The following CDH18 variants were observed in gnomAD, a reference collection of about 807,000 sequenced individuals.
CDH18 encodes cadherin 18, also known as cadherin-18.
CDH18 carries 31 observed loss-of-function variants against 67.9 expected under a neutral mutation model. The observed-to-expected ratio is 0.46, with a 90% CI of 0.34 to 0.62. CDH18 has a LOEUF of 0.62. Ranked by LOEUF, CDH18 falls within the 20% of genes least tolerant of loss-of-function variation. The probability of loss-of-function intolerance (pLI) is 0.01; values close to 1 mark genes in which losing one functional copy is unlikely to be tolerated. For missense variants in CDH18, 890 were observed against 975.5 expected (o/e 0.91, Z 1.17); for synonymous variants, 362 against 347.2 (o/e 1.04, Z -0.48).
chr5:20,391,480 A>C (rs1179759187), intron 1 of CDH18, among the ~76,000 whole-genome samples: 1 of 152,098 alleles, frequency 6.6e-6, no homozygotes. Context: ...AAGTACATTC[A>C]GCTAAAATAC....
chr5:20,309,255 C>T (rs528746048), intron 1 of CDH18, among the ~76,000 whole-genome samples: 35 of 152,248 alleles, frequency 2.3e-4, no homozygotes, highest in African/African-American at 8.4e-4. Flanking sequence ...TTTGCTTTGG[C>T]AAATATATTT....
At chr5:20,488,673 TTATATATATA>T (rs34690857) in intron 1 of CDH18, among the ~76,000 whole-genome samples, 1 of 126,980 alleles carries the variant, frequency 7.9e-6, no homozygotes, top group Non-Finnish European at 1.7e-5. Flanking sequence ...GGGTAGTGTT[TTATATATATA>T]TATATATATA....
At chr5:19,607,095 C>A (rs1240006717) in intron 6 of CDH18, among the ~76,000 whole-genome samples, 2 of 151,430 alleles carry the variant, frequency 1.3e-5, no homozygotes, top group African/African-American at 4.8e-5. Context: ...CAAATAAAGG[C>A]AAAATTGTAA....
At chr5:19,481,312 T>A (rs895328071) in intron 12 of CDH18, among the ~76,000 whole-genome samples, 3 of 152,154 alleles carry the variant, frequency 2.0e-5, no homozygotes, top group East Asian at 1.9e-4. Flanking sequence ...CAGCAACATA[T>A]AAGAAGTTAT....
At chr5:19,870,040 C>A (rs1231232011) in intron 2 of CDH18, among the ~76,000 whole-genome samples, 1 of 152,094 alleles carries the variant, frequency 6.6e-6, no homozygotes, top group African/African-American at 2.4e-5. Context: ...AGGACTGTAG[C>A]TTTGCCATTT....
intron 5 of CDH18, among the ~76,000 whole-genome samples, chr5:19,659,375 T>C (rs1756858823): frequency 6.6e-6 from 1 of 152,136 alleles, no homozygotes; most frequent in Non-Finnish European, 1.5e-5. Context: ...ACTATCAAAA[T>C]AGTTAAATTA....
rs573604523 is a variant in CDH18, at chr5:19,489,542, T to C, written c.1631-5990A>G. Among the ~76,000 whole-genome samples, 199 of 152,248 alleles carry C rather than the reference T, an allele frequency of 1.3e-3. 3 individuals are homozygous for C. Among genetic ancestry groups the C allele is most frequent in the East Asian group, 2.1e-3 (11 of 5,172 alleles). ...GATTACAGGTGTGAGCCACCGCGCC[T>C]GGCCAATATTTGTTCTTTTATCAGA... is the stretch of plus-strand genomic sequence containing the variant. On this transcript the variant is annotated intron_variant, in intron 11 of 12. Coordinates refer to ENST00000382275, the MANE Select transcript of CDH18 (RefSeq NM_004934.5).
chr5:20,272,474 G>A (rs1745508181), intron 1 of CDH18, among the ~76,000 whole-genome samples: 1 of 152,034 alleles, frequency 6.6e-6, no homozygotes, highest in African/African-American at 2.4e-5. Flanking sequence ...TAGAAAAAAA[G>A]CATTTTGTAT....
chr5:19,872,968 T>C (rs1029919487), intron 2 of CDH18, among the ~76,000 whole-genome samples: 1 of 152,110 alleles, frequency 6.6e-6, no homozygotes, highest in Non-Finnish European at 1.5e-5. Flanking sequence ...AAATGAAGGA[T>C]AATCTTGTCA....
chr5:20,545,061 C>A (rs1347174298), intron 1 of CDH18, among the ~76,000 whole-genome samples: 1 of 152,188 alleles, frequency 6.6e-6, no homozygotes, highest in Non-Finnish European at 1.5e-5. Context: ...AAGTATGAAA[C>A]CTGGCCAGAC....
intron 3 of CDH18, among the ~76,000 whole-genome samples, chr5:19,769,954 A>G (rs1303168597): frequency 2.0e-5 from 3 of 152,084 alleles, no homozygotes; most frequent in African/African-American, 7.2e-5. Flanking sequence ...AAAAGAAGAT[A>G]TGTAAACAAT....
rs11343866 is a variant in CDH18 at position 19,634,937 on chromosome 5, CAA to C, written c.644-22338_644-22337del. 2.3e-3 allele frequency among the ~76,000 whole-genome samples: 293 copies of C among 125,746 alleles called. 1 individual carries two copies. The highest frequency in any genetic ancestry group is 2.5e-3 in the Non-Finnish European group (147 of 59,156). The allele number at this position is 125,746 out of a possible 152,430, so 82.5% of individuals were successfully genotyped here. A position where few individuals can be genotyped will look rare whatever the true frequency, so the allele number is the denominator to read the frequency against. ...GGGCAGTAAGAGCTAAACTGCATCT[CAA>C]AAAAAAAAAAAAAGAAAGAAAAAAA... On this transcript the variant is annotated intron_variant, in intron 5 of 12. Transcript: ENST00000382275.
intron 1 of CDH18, among the ~76,000 whole-genome samples, chr5:20,408,149 C>T (rs1488503054): frequency 1.3e-5 from 2 of 151,918 alleles, no homozygotes; most frequent in African/African-American, 2.4e-5. Flanking sequence ...AATCCCATAA[C>T]CAGCAAAATT....
chr5:19,868,233 C>G (rs1243542563), intron 2 of CDH18, among the ~76,000 whole-genome samples: 1 of 152,038 alleles, frequency 6.6e-6, no homozygotes, highest in Non-Finnish European at 1.5e-5. Flanking sequence ...GAATGATTAC[C>G]TGCAAAGTTT....
intron 10 of CDH18, among the ~76,000 whole-genome samples, chr5:19,518,449 A>G (rs1408850452): frequency 6.6e-6 from 1 of 152,166 alleles, no homozygotes; most frequent in Non-Finnish European, 1.5e-5. Context: ...GTGTTACCAA[A>G]GGAGATTAAC....
chr5:19,798,675 T>C (rs1180158599), intron 3 of CDH18, among the ~76,000 whole-genome samples: 1 of 152,110 alleles, frequency 6.6e-6, no homozygotes, highest in African/African-American at 2.4e-5. Context: ...ATATTACATG[T>C]TGAAAATCAA....
intron 2 of CDH18, among the ~76,000 whole-genome samples, chr5:20,172,242 A>ATATATACGTATATATATATATACGTG (rs1561848883): frequency 1.8e-5 from 1 of 56,698 alleles, no homozygotes; most frequent in Admixed American, 2.2e-4. Context: ...ATATATATGT[A>ATATATACGTATATATATATATACGTG]TATATATATA....
intron 6 of CDH18, among the ~76,000 whole-genome samples, chr5:19,599,004 TTTG>T (rs1190305927): frequency 6.6e-6 from 1 of 152,148 alleles, no homozygotes; most frequent in Non-Finnish European, 1.5e-5. Context: ...AAAAAGGCAA[TTTG>T]TTGTTTTATC....
chr5:20,026,342 A>G (rs962758659), intron 2 of CDH18, among the ~76,000 whole-genome samples: 5 of 152,208 alleles, frequency 3.3e-5, no homozygotes, highest in Non-Finnish European at 7.3e-5. Context: ...GTTTTCTCAA[A>G]TATGAGAAAA....
Sources: allele counts gnomAD v4.1 joint callset (sites outside exome capture counted in the v4.1 genomes callset), GRCh38; gene constraint gnomAD v4.1.1; transcripts MANE v1.5; gene names NCBI Gene and HGNC (gene_info 2026-07-23, HGNC 2026-07-21).